Variants in NRN1 observed in about 807,000 individuals in gnomAD.
NRN1 encodes neuritin 1.
NRN1 carries 4 observed loss-of-function variants against 15.0 expected under a neutral mutation model. The observed-to-expected ratio is 0.27, with a 90% CI of 0.13 to 0.61. NRN1 has a LOEUF of 0.61. NRN1 is among the 20% of genes least tolerant of loss of function. The pLI is 0.87. For missense variants in NRN1, 134 were observed against 181.9 expected (o/e 0.74, Z 1.51); for synonymous variants, 85 against 79.8 (o/e 1.07, Z -0.35).
intron 2 of NRN1, among the ~76,000 whole-genome samples, chr6:6,001,159 A>G (rs539385577): frequency 6.6e-6 from 1 of 152,336 alleles, no homozygotes; most frequent in South Asian, 2.1e-4. Flanking sequence ...TTTAGGAAAT[A>G]GAGTAGCAAA....
At chr6:6,000,722 CTTTTTTTTTT>C (rs55712329) in intron 2 of NRN1, among the ~76,000 whole-genome samples, 27 of 60,858 alleles carry the variant, frequency 4.4e-4, no homozygotes, top group East Asian at 2.0e-3. Flanking sequence ...CTAAATTGCT[CTTTTTTTTTT>C]TTTTTTTTTT....
At chr6:6,000,440 G>A (rs992448546) in intron 2 of NRN1, among the ~76,000 whole-genome samples, 3 of 152,142 alleles carry the variant, frequency 2.0e-5, no homozygotes, top group African/African-American at 7.2e-5. Flanking sequence ...CTCCGGGCTG[G>A]TCCCCACCTG....
intron 2 of NRN1, 97 bp from the exon 3 acceptor site, chr6:5,999,301 G>T (rs1400410774): frequency 3.8e-6 from 4 of 1,041,884 alleles, no homozygotes; most frequent in Non-Finnish European, 5.7e-6. Flanking sequence ...TGGCGGCCCC[G>T]CCAACTTCCC....
chr6:5,999,289 G>A (rs1757864861), intron 2 of NRN1, 85 bp from the exon 3 acceptor site: 2 of 1,216,932 alleles, frequency 1.6e-6, no homozygotes, highest in East Asian at 4.8e-5. Flanking sequence ...GCGCCTCCCC[G>A]CTGGCGGCCC....
intron 2 of NRN1, among the ~76,000 whole-genome samples, chr6:6,000,030 C>G (rs985945714): frequency 3.9e-5 from 6 of 152,200 alleles, no homozygotes; most frequent in Admixed American, 2.6e-4. Context: ...CAGGCCTGCG[C>G]GTTGGGTCCC....
chr6:5,999,227 A>G lies in NRN1; in HGVS notation c.201-23T>C, dbSNP rs201178728. The stretch of plus-strand genomic sequence containing the variant: ...TATCTGGTGAGGAACAGAACAAAAC[A>G]GAACAAGCAGGTTCACTTGGGACGC... On this transcript the variant is annotated intron_variant, in intron 2 of 2. Coordinates refer to ENST00000244766, the MANE Select transcript of NRN1 (RefSeq NM_016588.3). The G allele has an allele frequency of 3.8e-6, 6 of 1,595,172 alleles. No homozygotes were observed. In the African/African-American group the frequency reaches 4.0e-5, roughly 11 times the overall value.
chr6:5,998,956 G>A lies in NRN1; in HGVS notation c.*20C>T, dbSNP rs1271523649. Reference sequence around the variant, plus strand: ...ATGGAGTGAGTGTGGGTGGGCGCGCGGGGGGAGCTGGCCCCACGCTCAGAA... The same window carrying A: ...ATGGAGTGAGTGTGGGTGGGCGCGCAGGGGGAGCTGGCCCCACGCTCAGAA... On this transcript the variant is annotated 3_prime_UTR_variant, in exon 3 of 3. Coordinates refer to ENST00000244766, the MANE Select transcript of NRN1 (RefSeq NM_016588.3). The A allele has an allele frequency of 6.4e-6, 10 of 1,572,992 alleles. No individual in the cohort carries two copies. Among genetic ancestry groups the A allele is most frequent in the Non-Finnish European group, 7.0e-6 (8 of 1,150,406 alleles).
intron 1 of NRN1, chr6:6,003,587 GGGAGGA>G (rs3838670): frequency 1.5e-4 from 88 of 593,048 alleles, no homozygotes; most frequent in South Asian, 5.1e-4. Context: ...GCTGAGCGGC[GGGAGGA>G]GGAGGAGGAG....
chr6:6,007,167 A>T (rs543845302), upstream of NRN1, among the ~76,000 whole-genome samples: 3 of 152,142 alleles, frequency 2.0e-5, no homozygotes, highest in African/African-American at 7.2e-5. Flanking sequence ...ATCTGAACGA[A>T]ATTTTGCCTC....
At position 6,000,736 on chromosome 6, in the gene NRN1, T is replaced by TTTTTTTTTTTTG. The variant is rs1757921059; in HGVS notation, c.201-1533_201-1532insCAAAAAAAAAAA. 1.7e-5 allele frequency among the ~76,000 whole-genome samples: 2 copies of TTTTTTTTTTTTG among 119,670 alleles called. 1 individual carries two copies. The highest frequency in any genetic ancestry group is 1.7e-4 in the Admixed American group (2 of 11,964). The allele number at this position is 119,670 out of a possible 152,430, so 78.5% of individuals were successfully genotyped here. On this transcript the variant is annotated intron_variant, in intron 2 of 2. Coordinates refer to ENST00000244766, the MANE Select transcript of NRN1 (RefSeq NM_016588.3). ...CCTAAATTGCTCTTTTTTTTTTTTT[T>TTTTTTTTTTTTG]TTTTTTTTTTTTATGTACGCCCAGA...
chr6:6,000,703 A>G (rs562826098), intron 2 of NRN1, among the ~76,000 whole-genome samples: 1 of 148,612 alleles, frequency 6.7e-6, no homozygotes, highest in South Asian at 2.1e-4. Flanking sequence ...TGCCCCTGCT[A>G]AAGGATGCCT....
intron 1 of NRN1, chr6:6,003,936 G>A (rs1251160341): frequency 1.6e-6 from 2 of 1,228,232 alleles, no homozygotes; most frequent in African/African-American, 3.1e-5. Context: ...GCGCTTGTGT[G>A]TGAATGTGTC....
Position 6,004,016 on chromosome 6 carries a change from C to T in NRN1, c.56-1519G>A, listed in dbSNP as rs79467423. The T allele has an allele frequency of 5.6e-3, 6,686 of 1,201,448 alleles. 362 individuals are homozygous for T. In the African/African-American group the frequency reaches 0.096, roughly 17 times the overall value. The allele number at this position is 1,201,448 out of a possible 1,614,324, so 74.4% of individuals were successfully genotyped here. A position where few individuals can be genotyped will look rare whatever the true frequency, so the allele number is the denominator to read the frequency against. ...GCCTGTCCGCGAGCGCCGGGCCAGA[C>T]GCCGAAGAGGAAGGTGACCGAACCC... On this transcript the variant is annotated intron_variant, in intron 1 of 2. Transcript: ENST00000244766.
At position 6,002,388 on chromosome 6, in the gene NRN1, G is replaced by T. The variant is rs1440891044; in HGVS notation, c.165C>A (p.Gly55=). ...TCTTGATGTTCGTCTTGTCGTCCAG[G>T]CCCTGCGGGTAGTTGGCCATGCTGT... ...LGDSMANYPQ[G]LDDKTNIKTV... is the part of the protein sequence containing the mutation. Residue 55 remains glycine, a synonymous_variant, in exon 2 of 3, where the codon GGC becomes GGA. Coordinates refer to ENST00000244766, the MANE Select transcript of NRN1 (RefSeq NM_016588.3). The T allele has an allele frequency of 6.2e-7, 1 of 1,614,110 alleles. No individual in the cohort carries two copies. Among genetic ancestry groups the T allele is most frequent in the Non-Finnish European group, 8.5e-7 (1 of 1,180,030 alleles).
Position 5,998,985 on chromosome 6 carries a change from A to G in NRN1, c.420T>C (p.Leu140=). Reference sequence around the variant, plus strand: ...GGAGCTGGCCCCACGCTCAGAAGGAAAGCCAGGTCGCTAAAGCTGCCGAGA... The same window carrying G: ...GGAGCTGGCCCCACGCTCAGAAGGAGAGCCAGGTCGCTAAAGCTGCCGAGA... The part of the protein sequence containing the change: ...VSLSAALATW[L]SF Residue 140 remains leucine (L), a synonymous_variant, in exon 3 of 3, where the codon CTT becomes CTC. Coordinates refer to ENST00000244766, the MANE Select transcript of NRN1 (RefSeq NM_016588.3). The G allele has an allele frequency of 6.2e-7, 1 of 1,611,006 alleles. No homozygotes were observed. The highest frequency in any genetic ancestry group is 1.1e-5 in the South Asian group (1 of 90,880).
Position 6,006,704 on chromosome 6 carries a change from C to T in NRN1, c.46G>A (p.Val16Met), listed in dbSNP as rs1371506789. The change falls in exon 1 of 3, where the codon GTG (valine) becomes ATG (methionine). Residue 16 changes from valine (V) to methionine (M), a missense_variant. Physicochemically the swap from Val to Met is conservative, Grantham distance 21. Transcript: ENST00000244766. Reference sequence around the variant, plus strand: ...CTGAGCGGCCACTTACCTATTTGCACCGCGAGGATCAGTGAAATATATCTG... The same window carrying T: ...CTGAGCGGCCACTTACCTATTTGCATCGCGAGGATCAGTGAAATATATCTG... ...NGRYISLILA[V>M]QIAYLVQAVR... is the part of the protein sequence containing the mutation. 1.2e-6 allele frequency: 2 copies of T among 1,613,976 alleles called. No individual in the cohort carries two copies. Among genetic ancestry groups the T allele is most frequent in the South Asian group, 1.1e-5 (1 of 91,090 alleles).
intron 2 of NRN1, among the ~76,000 whole-genome samples, chr6:6,001,059 G>A (rs1237760149): frequency 1.3e-5 from 2 of 152,142 alleles, no homozygotes; most frequent in Non-Finnish European, 2.9e-5. Flanking sequence ...TATCCATCAC[G>A]AGACTTTTAG....
At chr6:6,000,013 A>G (rs1757896196) in intron 2 of NRN1, among the ~76,000 whole-genome samples, 1 of 152,082 alleles carries the variant, frequency 6.6e-6, no homozygotes, top group African/African-American at 2.4e-5. Flanking sequence ...TGCGAATCCA[A>G]GTGTCCCAGG....
At chr6:6,003,442 C>T (rs1288788024) in intron 1 of NRN1, among the ~76,000 whole-genome samples, 5 of 152,208 alleles carry the variant, frequency 3.3e-5, no homozygotes. Context: ...AAAAAGCCCG[C>T]CTACACTCCG....
Sources: allele counts gnomAD v4.1 joint callset (sites outside exome capture counted in the v4.1 genomes callset), GRCh38; gene constraint gnomAD v4.1.1; transcripts MANE v1.5; gene names NCBI Gene and HGNC (gene_info 2026-07-23, HGNC 2026-07-21).